Variants in TIGD5 observed in about 807,000 individuals in gnomAD.
TIGD5 encodes tigger transposable element-derived protein 5.
In TIGD5, 24 loss-of-function variants were observed where a neutral mutation model predicts 28.8. The ratio of observed to expected loss-of-function variants is 0.83; its 90% CI spans 0.60 to 1.17. TIGD5 has a LOEUF of 1.17. Among genes scored for constraint, TIGD5 ranks in the 50% most tolerant of loss-of-function variants. The pLI is 0.00. For synonymous variants in TIGD5, 538 were observed against 430.5 expected (o/e 1.25, Z -3.09); for missense variants, 922 against 911.4 (o/e 1.01, Z -0.15).
Position 143,597,877 on chromosome 8 carries a change from G to A in TIGD5, c.-27G>A. On this transcript the variant is annotated 5_prime_UTR_variant, in exon 1 of 1. Transcript: ENST00000504548. ...TGGGCGTGTGGCTCCCGCGACCCGC[G>A]CGGCCCGGGTCCCCCCCGCCGCAGC... The A allele has an allele frequency of 4.0e-6, 3 of 759,230 alleles. No homozygotes were observed. Among genetic ancestry groups the A allele is most frequent in the Non-Finnish European group, 4.8e-6 (3 of 626,710 alleles). The allele number at this position is 759,230 out of a possible 1,614,324, so 47.0% of individuals were successfully genotyped here. A position where few individuals can be genotyped will look rare whatever the true frequency, so the allele number is the denominator to read the frequency against.
At position 143,600,695 on chromosome 8, in the gene TIGD5, C is replaced by T. The variant is rs879856823; in HGVS notation, c.*863C>T. On this transcript the variant is annotated 3_prime_UTR_variant, in exon 1 of 1. Coordinates refer to ENST00000504548, the MANE Select transcript of TIGD5 (RefSeq NM_032862.5). ...CCTGGCATTAGCCCCCAGGGCAATA[C>T]GCAGTGCCACCCTCTGTGGGCTCTC... 3 of 152,274 alleles carry T rather than the reference C, an allele frequency of 2.0e-5. No individual in the cohort carries two copies. Among genetic ancestry groups the T allele is most frequent in the African/African-American group, 4.8e-5 (2 of 41,418 alleles). 9.4% of individuals were successfully genotyped at this position (152,274 alleles called of 1,614,324 possible).
chr8:143,599,447 A>G lies in TIGD5; in HGVS notation c.1544A>G (p.His515Arg), dbSNP rs753112467. Residue 515 changes from histidine to arginine, a missense_variant, in exon 1 of 1, where the codon CAC becomes CGC. Physicochemically the swap from His to Arg is conservative, Grantham distance 29. This residue lies in a region of TIGD5 where 821 missense variants were observed against 815.2 expected (regional missense o/e 1.01). Coordinates refer to ENST00000504548, the MANE Select transcript of TIGD5 (RefSeq NM_032862.5). ...EHSRVLSDLT[H>R]LAALAYKCLA... ...AGCAGGGTGCTCAGCGACCTCACCC[A>G]CCTGGCGGCTCTGGCCTACAAGTGC... is the stretch of plus-strand genomic sequence containing the variant. 2 of 1,579,942 alleles carry G rather than the reference A, an allele frequency of 1.3e-6. No individual in the cohort carries two copies. The highest frequency in any genetic ancestry group is 3.6e-5 in the Admixed American group (2 of 55,194).
chr8:143,598,509 C>G lies in TIGD5; in HGVS notation c.606C>G (p.Pro202=). Reference sequence around the variant, plus strand: ...CCCCGAGCCCCGCGCCCGGCCCGCCCGTCAAGGAGGAGCCCGCGCTGCCCT... The same window carrying G: ...CCCCGAGCCCCGCGCCCGGCCCGCCGGTCAAGGAGGAGCCCGCGCTGCCCT... ...PPAPSPAPGP[P]VKEEPALPSG... Residue 202 remains proline (P), a synonymous_variant, in exon 1 of 1, where the codon CCC becomes CCG. Coordinates refer to ENST00000504548, the MANE Select transcript of TIGD5 (RefSeq NM_032862.5). This position sits in a 1 kb window ranked among gnomAD's most constrained non-coding sequence, Gnocchi z 6.6. 7.3e-7 allele frequency: 1 copy of G among 1,364,782 alleles called. No homozygotes were observed. The allele number at this position is 1,364,782 out of a possible 1,614,324, so 84.5% of individuals were successfully genotyped here. A position where few individuals can be genotyped will look rare whatever the true frequency, so the allele number is the denominator to read the frequency against.
chr8:143,597,993 C>T lies in TIGD5; in HGVS notation c.90C>T (p.Val30=). The T allele has an allele frequency of 8.6e-7, 1 of 1,168,962 alleles. No homozygotes were observed. Among genetic ancestry groups the T allele is most frequent in the African/African-American group, 1.6e-5 (1 of 61,402 alleles). The allele number at this position is 1,168,962 out of a possible 1,614,324, so 72.4% of individuals were successfully genotyped here. A position where few individuals can be genotyped will look rare whatever the true frequency, so the allele number is the denominator to read the frequency against. ...PGPPAPAPAP[V]PAARPPPPAP... The stretch of plus-strand genomic sequence containing the variant: ...CCCCCGCGCCCGCCCCAGCCCCCGT[C>T]CCCGCTGCACGGCCGCCGCCCCCCG... Residue 30 remains valine (V), a synonymous_variant, in exon 1 of 1, where the codon GTC becomes GTT. Transcript: ENST00000504548.
At position 143,599,343 on chromosome 8, in the gene TIGD5, C is replaced by T. The variant is rs1433089720; in HGVS notation, c.1440C>T (p.Gly480=). The change falls in exon 1 of 1, where the codon GGC becomes GGT. Residue 480 remains glycine (G), a synonymous_variant. Coordinates refer to ENST00000504548, the MANE Select transcript of TIGD5 (RefSeq NM_032862.5). ...AGSIERCWLL[G]LRAAFEPRPG... is the part of the protein sequence containing the mutation. The stretch of plus-strand genomic sequence containing the variant: ...GCATTGAGCGCTGCTGGCTGCTGGG[C>T]CTGCGGGCTGCCTTCGAGCCCCGGC... 3 of 1,590,422 alleles carry T rather than the reference C, an allele frequency of 1.9e-6. No individual in the cohort carries two copies. The highest frequency in any genetic ancestry group is 1.3e-5 in the African/African-American group (1 of 74,538).
rs1473264600 is a variant in TIGD5, at chr8:143,599,675, C to T, written c.1772C>T (p.Ala591Val). ...GGTSVPTAGE[A>V]VRGLETALRW... ...ACCTCAGTGCCGACTGCCGGGGAGG[C>T]CGTGCGGGGGCTAGAAACAGCTCTG... Residue 591 changes from alanine to valine, a missense_variant, in exon 1 of 1, where the codon GCC (alanine) becomes GTC (valine). Ala to Val is a moderately conservative substitution (Grantham distance 64). Transcript: ENST00000504548. 1 of 1,518,270 alleles carries T rather than the reference C, an allele frequency of 6.6e-7. No individual in the cohort carries two copies. The highest frequency in any genetic ancestry group is 1.3e-5 in the South Asian group (1 of 75,830). The allele number at this position is 1,518,270 out of a possible 1,614,324, so 94.0% of individuals were successfully genotyped here.
In TIGD5 at chr8:143,599,023, A is replaced by T; in HGVS notation, c.1120A>T (p.Ser374Cys). The change falls in exon 1 of 1, where the codon AGC (serine) becomes TGC (cysteine). Residue 374 changes from serine (S) to cysteine (C), a missense_variant. Physicochemically the swap from Ser to Cys is moderately radical, Grantham distance 112 (BLOSUM62 -1). This residue lies in a region of TIGD5 where 821 missense variants were observed against 815.2 expected (regional missense o/e 1.01). Transcript: ENST00000504548. ...AGCTGCCAGTATGCCCGCCCTGGAC[A>T]GCGAGGATGCCCCCGTGCGGTGCAG... ...SPAASMPALD[S>C]EDAPVRCRPE... 1 of 1,571,878 alleles carries T rather than the reference A, an allele frequency of 6.4e-7. No individual in the cohort carries two copies. Among genetic ancestry groups the T allele is most frequent in the Middle Eastern group, 1.8e-4 (1 of 5,416 alleles).
chr8:143,599,069 C>T lies in TIGD5; in HGVS notation c.1166C>T (p.Pro389Leu), dbSNP rs1405570258. 7.0e-6 allele frequency: 11 copies of T among 1,573,164 alleles called. No homozygotes were observed. The highest frequency in any genetic ancestry group is 1.7e-4 in the Middle Eastern group (1 of 5,802). ...TGCAGGCCGGAGCCCCTCGGTCCCC[C>T]GGAGGAGCTGCAGACACCGGATGGC... ...VRCRPEPLGP[P>L]EELQTPDGAV... Residue 389 changes from proline to leucine, a missense_variant, in exon 1 of 1, where the codon CCG becomes CTG. Pro to Leu is a moderately conservative substitution (Grantham distance 98, BLOSUM62 -3). Transcript: ENST00000504548.
At position 143,598,190 on chromosome 8, in the gene TIGD5, C is replaced by T. The variant is rs770576293; in HGVS notation, c.287C>T (p.Pro96Leu). The change falls in exon 1 of 1, where the codon CCC (proline) becomes CTC (leucine). Residue 96 changes from proline (P) to leucine (L), a missense_variant. Pro to Leu is a moderately conservative substitution (Grantham distance 98). This residue lies in a region of TIGD5 where 821 missense variants were observed against 815.2 expected (regional missense o/e 1.01). Transcript: ENST00000504548. This position sits in a 1 kb window ranked among gnomAD's most constrained non-coding sequence, Gnocchi z 6.6. ...GTLRGWLKDEPKLRWFLEQLG... is the reference protein window; with the variant it reads ...GTLRGWLKDELKLRWFLEQLG... Reference sequence around the variant, plus strand: ...CTGCGCGGCTGGCTCAAGGACGAGCCCAAGCTGCGCTGGTTCCTGGAGCAG... The same window carrying T: ...CTGCGCGGCTGGCTCAAGGACGAGCTCAAGCTGCGCTGGTTCCTGGAGCAG... 1.4e-5 allele frequency: 22 copies of T among 1,605,222 alleles called. No homozygotes were observed. Among genetic ancestry groups the T allele is most frequent in the Non-Finnish European group, 1.9e-5 (22 of 1,176,822 alleles).
At position 143,600,208 on chromosome 8, in the gene TIGD5, G is replaced by T. The variant is rs767434286; in HGVS notation, c.*376G>T. ...AGGGCCGAAACTCCTGTCTGCTATC[G>T]AGCCCTGGTGCTATGTGGCCCCGGA... On this transcript the variant is annotated 3_prime_UTR_variant, in exon 1 of 1. Coordinates refer to ENST00000504548, the MANE Select transcript of TIGD5 (RefSeq NM_032862.5). The T allele has an allele frequency of 1.2e-5, 3 of 254,320 alleles. No individual in the cohort carries two copies. Among genetic ancestry groups the T allele is most frequent in the African/African-American group, 4.4e-5 (2 of 45,188 alleles). 15.8% of individuals were successfully genotyped at this position (254,320 alleles called of 1,614,324 possible).
Position 143,600,702 on chromosome 8 carries a change from C to T in TIGD5, c.*870C>T. 1 of 152,380 alleles carries T rather than the reference C, an allele frequency of 6.6e-6. No individual in the cohort carries two copies. The highest frequency in any genetic ancestry group is 1.9e-4 in the East Asian group (1 of 5,192). 9.4% of individuals were successfully genotyped at this position (152,380 alleles called of 1,614,324 possible). A position where few individuals can be genotyped will look rare whatever the true frequency, so the allele number is the denominator to read the frequency against. On this transcript the variant is annotated 3_prime_UTR_variant, in exon 1 of 1. Transcript: ENST00000504548. ...TTAGCCCCCAGGGCAATACGCAGTG[C>T]CACCCTCTGTGGGCTCTCCTCCCCA...
At position 143,597,961 on chromosome 8, in the gene TIGD5, C is replaced by T. The variant is rs1447931137; in HGVS notation, c.58C>T (p.Pro20Ser). 2.3e-6 allele frequency: 2 copies of T among 885,684 alleles called. No individual in the cohort carries two copies. Among genetic ancestry groups the T allele is most frequent in the Non-Finnish European group, 2.7e-6 (2 of 740,858 alleles). The allele number at this position is 885,684 out of a possible 1,614,324, so 54.9% of individuals were successfully genotyped here. ...ACCGCGCCGCGGCCGCCGTCCCCTG[C>T]CCGGGCCCCCCGCGCCCGCCCCAGC... The part of the protein sequence containing the change: ...PVPRRGRRPL[P>S]GPPAPAPAPV... Residue 20 changes from proline to serine, a missense_variant, in exon 1 of 1, where the codon CCC (proline) becomes TCC (serine). Transcript: ENST00000504548.
rs765768630 is a variant in TIGD5, at chr8:143,598,105, G to A, written c.202G>A (p.Val68Ile). ...GGACAAGCTGCAGGCCATCGAGCGCGTCAAGGGCGGCGAGCGGCAGGCCAG... is the reference window on the plus strand; with the variant it reads ...GGACAAGCTGCAGGCCATCGAGCGCATCAAGGGCGGCGAGCGGCAGGCCAG... Reference protein sequence around the residue: ...IKDKLQAIERVKGGERQASVC... With the variant: ...IKDKLQAIERIKGGERQASVC... The change falls in exon 1 of 1, where the codon GTC becomes ATC. Residue 68 changes from valine to isoleucine, a missense_variant. Coordinates refer to ENST00000504548, the MANE Select transcript of TIGD5 (RefSeq NM_032862.5). This position sits in a 1 kb window ranked among gnomAD's most constrained non-coding sequence, Gnocchi z 6.6. The A allele has an allele frequency of 6.4e-7, 1 of 1,570,666 alleles. No individual in the cohort carries two copies.
Position 143,602,113 on chromosome 8 carries a change from A to AAAAAT in TIGD5, c.*2281_*2282insAAAAT, listed in dbSNP as rs1829275822. On this transcript the variant is annotated 3_prime_UTR_variant, in exon 1 of 1. Coordinates refer to ENST00000504548, the MANE Select transcript of TIGD5 (RefSeq NM_032862.5). ...TCTGTCTCAAAAAAAAAAAAAAAAA[A>AAAAAT]GTGCAGGTGCACGCTGGTGGGGACA... is the stretch of plus-strand genomic sequence containing the variant. The AAAAAT allele has an allele frequency of 2.0e-5, 3 of 151,448 alleles. No individual in the cohort carries two copies. Among genetic ancestry groups the AAAAAT allele is most frequent in the Non-Finnish European group, 2.9e-5 (2 of 67,818 alleles). The allele number at this position is 151,448 out of a possible 1,614,324, so 9.4% of individuals were successfully genotyped here.
Position 143,603,118 on chromosome 8 carries a change from G to T in TIGD5, c.*3286G>T, listed in dbSNP as rs560944663. ...TAGGCTTGTGGGGTCATGCTCTGTTGAGGGCCCTTCCTCTAACTGGCGAGC... is the reference window on the plus strand; with the variant it reads ...TAGGCTTGTGGGGTCATGCTCTGTTTAGGGCCCTTCCTCTAACTGGCGAGC... On this transcript the variant is annotated 3_prime_UTR_variant, in exon 1 of 1. Coordinates refer to ENST00000504548, the MANE Select transcript of TIGD5 (RefSeq NM_032862.5). 1 of 152,356 alleles carries T rather than the reference G, an allele frequency of 6.6e-6. No individual in the cohort carries two copies. Among genetic ancestry groups the T allele is most frequent in the South Asian group, 2.1e-4 (1 of 4,828 alleles). The allele number at this position is 152,356 out of a possible 1,614,324, so 9.4% of individuals were successfully genotyped here.
At position 143,601,202 on chromosome 8, in the gene TIGD5, C is replaced by T. The variant is rs970526034; in HGVS notation, c.*1370C>T. The stretch of plus-strand genomic sequence containing the variant: ...GAACAAACAGTTCCTTGGAACTGCC[C>T]GCAAGTGAAGAAATATATACATATA... On this transcript the variant is annotated 3_prime_UTR_variant, in exon 1 of 1. Coordinates refer to ENST00000504548, the MANE Select transcript of TIGD5 (RefSeq NM_032862.5). 2.0e-5 allele frequency: 3 copies of T among 152,094 alleles called. No homozygotes were observed. The highest frequency in any genetic ancestry group is 4.8e-5 in the African/African-American group (2 of 41,394). 9.4% of individuals were successfully genotyped at this position (152,094 alleles called of 1,614,324 possible).
In TIGD5 at chr8:143,598,398, C is replaced by T. The variant is rs1829144574; in HGVS notation, c.495C>T (p.Phe165=). The change falls in exon 1 of 1, where the codon TTC becomes TTT. Residue 165 remains phenylalanine, a synonymous_variant. Transcript: ENST00000504548. This position sits in a 1 kb window ranked among gnomAD's most constrained non-coding sequence, Gnocchi z 6.6. Reference sequence around the variant, plus strand: ...AGATCTACGGGCCCGAGTGCACCTTCAAGGCCAGCCACGGCTGGTTCTGGC... The same window carrying T: ...AGATCTACGGGCCCGAGTGCACCTTTAAGGCCAGCCACGGCTGGTTCTGGC... ...ARQIYGPECT[F]KASHGWFWRW... is the part of the protein sequence containing the mutation. 1.3e-6 allele frequency: 2 copies of T among 1,535,850 alleles called. No homozygotes were observed. Among genetic ancestry groups the T allele is most frequent in the African/African-American group, 2.8e-5 (2 of 71,192 alleles).
chr8:143,599,930 C>A lies in TIGD5; in HGVS notation c.*98C>A. 1 of 1,327,630 alleles carries A rather than the reference C, an allele frequency of 7.5e-7. No homozygotes were observed. The highest frequency in any genetic ancestry group is 2.7e-5 in the East Asian group (1 of 37,180). The allele number at this position is 1,327,630 out of a possible 1,614,324, so 82.2% of individuals were successfully genotyped here. A position where few individuals can be genotyped will look rare whatever the true frequency, so the allele number is the denominator to read the frequency against. On this transcript the variant is annotated 3_prime_UTR_variant, in exon 1 of 1. Transcript: ENST00000504548. ...CTCCCCTCCCCCTGGGGTGGCCCAC[C>A]GCATGGGTACAGGGGGTTCCAGGAA...
chr8:143,598,962 C>A lies in TIGD5; in HGVS notation c.1059C>A (p.Ala353=). The A allele has an allele frequency of 6.3e-7, 1 of 1,580,184 alleles. No homozygotes were observed. ...YLRRSCLQQK[A]VLLVAHPPCP... ...GCCGAAGCTGCCTGCAGCAGAAGGC[C>A]GTGCTGCTGGTGGCCCACCCGCCCT... The change falls in exon 1 of 1, where the codon GCC becomes GCA. Residue 353 remains alanine (A), a synonymous_variant. Coordinates refer to ENST00000504548, the MANE Select transcript of TIGD5 (RefSeq NM_032862.5). The surrounding 1 kb of genome is among the most constrained non-coding windows in gnomAD (Gnocchi z 6.6).
Sources: gnomAD v4.1 joint callset for allele counts on GRCh38, gnomAD v4.1.1 for gene constraint, gnomAD v4.1.1 regional missense constraint, Gnocchi (gnomAD v3.1) non-coding constraint, MANE v1.5 for transcripts, NCBI Gene and HGNC (gene_info 2026-07-23, HGNC 2026-07-21) for gene names.